Variants in ATP10A observed in about 807,000 individuals in gnomAD.
ATP10A encodes the protein ATPase phospholipid transporting 10A (putative).
ATP10A carries 111 observed loss-of-function variants against 147.8 expected under a neutral mutation model. That is an observed-to-expected ratio of 0.75 (90% CI 0.64 to 0.88). The LOEUF (loss-of-function observed/expected upper bound fraction) is 0.88. ATP10A is among the 40% of genes least tolerant of loss of function. The pLI, the probability that ATP10A is intolerant of heterozygous loss-of-function variation, is 0.00. For synonymous variants in ATP10A, 875 were observed against 841.6 expected (o/e 1.04, Z -0.69); for missense variants, 1,927 against 1,959.0 (o/e 0.98, Z 0.31).
intron 1 of ATP10A, among the ~76,000 whole-genome samples, chr15:25,788,408 C>T (rs1042047679): frequency 6.6e-6 from 1 of 152,186 alleles, no homozygotes; most frequent in Admixed American, 6.5e-5. Context: ...CTACAGTCTC[C>T]CCCAGCAGAC....
chr15:25,718,302 G>A lies in ATP10A; in HGVS notation c.1461C>T (p.His487=), dbSNP rs1357948598. ...SVSQRGSIGS[H]QSVRVVHRTQ... Reference sequence around the variant, plus strand: ...TTCTGTGCACCACCCGGACACTCTGGTGGCTGCCGATGCTGCCGCGCTGGG... The same window carrying A: ...TTCTGTGCACCACCCGGACACTCTGATGGCTGCCGATGCTGCCGCGCTGGG... The change falls in exon 8 of 21, where the codon CAC becomes CAT. Residue 487 remains histidine, a synonymous_variant. Transcript: ENST00000555815. The A allele has an allele frequency of 6.2e-6, 10 of 1,611,550 alleles. No homozygotes were observed. In the African/African-American group the frequency reaches 1.1e-4, roughly 17 times the overall value.
chr15:25,804,311 CTAAT>C (rs1379967399), intron 1 of ATP10A, among the ~76,000 whole-genome samples: 4 of 148,536 alleles, frequency 2.7e-5, no homozygotes, highest in Admixed American at 6.6e-5. Flanking sequence ...TCGTGTGTGT[CTAAT>C]TGTGCTTAGT....
chr15:25,732,802 GC>G (rs1887022194), intron 3 of ATP10A, among the ~76,000 whole-genome samples: 1 of 151,676 alleles, frequency 6.6e-6, no homozygotes, highest in Admixed American at 6.6e-5. Flanking sequence ...TGATCTGCCC[GC>G]CCCGGCCTCC....
Position 25,695,043 on chromosome 15 carries a change from G to A in ATP10A, c.2864C>T (p.Ser955Phe). ...KTKGKVSMRF[S>F]SLCPPSTSTA... Reference sequence around the variant, plus strand: ...GGACGTGGAGGGTGGGCAGAGAGAGGAGAACCTCATGCTCACTTTGCCCTT... The same window carrying A: ...GGACGTGGAGGGTGGGCAGAGAGAGAAGAACCTCATGCTCACTTTGCCCTT... The change falls in exon 14 of 21, where the codon TCC becomes TTC. Residue 955 changes from serine to phenylalanine, a missense_variant. By Grantham distance (155) the Ser-to-Phe change is radical. Transcript: ENST00000555815. The A allele has an allele frequency of 6.2e-7, 1 of 1,614,198 alleles. No individual in the cohort carries two copies. The highest frequency in any genetic ancestry group is 8.5e-7 in the Non-Finnish European group (1 of 1,180,044).
Position 25,718,286 on chromosome 15 carries a change from C to T in ATP10A, c.1477G>A (p.Val493Met), listed in dbSNP as rs142548270. The T allele has an allele frequency of 2.5e-6, 4 of 1,612,298 alleles. No homozygotes were observed. The highest frequency in any genetic ancestry group is 3.4e-6 in the Non-Finnish European group (4 of 1,179,946). Reference protein sequence around the residue: ...SIGSHQSVRVVHRTQSTKSHR... With the variant: ...SIGSHQSVRVMHRTQSTKSHR... ...GACTTGGTGCTCTGGGTTCTGTGCA[C>T]CACCCGGACACTCTGGTGGCTGCCG... The change falls in exon 8 of 21, where the codon GTG becomes ATG. Residue 493 changes from valine to methionine, a missense_variant. Transcript: ENST00000555815.
intron 1 of ATP10A, among the ~76,000 whole-genome samples, chr15:25,845,081 G>C (rs1596990844): frequency 6.6e-6 from 1 of 152,198 alleles, no homozygotes; most frequent in East Asian, 1.9e-4. Context: ...AGTGTGTGAT[G>C]AGGTGGACAC....
intron 2 of ATP10A, among the ~76,000 whole-genome samples, chr15:25,744,629 C>T (rs12717755): frequency 0.45 from 68,025 of 151,968 alleles, 15,511 homozygotes; most frequent in East Asian, 0.61. Flanking sequence ...TTAGAGATTT[C>T]GAAAATATAG....
At position 25,714,965 on chromosome 15, in the gene ATP10A, T is replaced by TACAC. The variant is rs10523875; in HGVS notation, c.1777-728_1777-725dup. On this transcript the variant is annotated intron_variant, in intron 9 of 20. Transcript: ENST00000555815. ...TAAGAAACAAAATGAATGACACATA[T>TACAC]ACACACACACACACACACACACACA... 6.4e-3 allele frequency among the ~76,000 whole-genome samples: 936 copies of TACAC among 145,684 alleles called. 4 individuals are homozygous for TACAC. The highest frequency in any genetic ancestry group is 0.011 in the Admixed American group (164 of 14,574).
chr15:25,833,903 C>T (rs111538051), intron 1 of ATP10A, among the ~76,000 whole-genome samples: 176 of 151,722 alleles, frequency 1.2e-3, no homozygotes, highest in Non-Finnish European at 2.1e-3. Context: ...ACCCGGGAGG[C>T]GGAGCTTGCA....
At chr15:25,750,175 T>C (rs1329412992) in intron 2 of ATP10A, among the ~76,000 whole-genome samples, 1 of 151,216 alleles carries the variant, frequency 6.6e-6, no homozygotes, top group African/African-American at 2.4e-5. Context: ...TTAAAACTAG[T>C]AATTAAAAAA....
At chr15:25,744,148 G>A (rs993710760) in intron 2 of ATP10A, among the ~76,000 whole-genome samples, 2 of 152,002 alleles carry the variant, frequency 1.3e-5, no homozygotes, top group East Asian at 1.9e-4. Flanking sequence ...AATACAACAC[G>A]GTGCCACTGC....
chr15:25,810,660 T>C (rs755684692), intron 1 of ATP10A, among the ~76,000 whole-genome samples: 5 of 152,092 alleles, frequency 3.3e-5, no homozygotes, highest in Non-Finnish European at 4.4e-5. Context: ...CAAGGCCTGT[T>C]TGTACCACGG....
chr15:25,825,683 A>C (rs1298423192), intron 1 of ATP10A, among the ~76,000 whole-genome samples: 1 of 152,252 alleles, frequency 6.6e-6, no homozygotes, highest in African/African-American at 2.4e-5. Context: ...AAAGTCAATA[A>C]ATAAACAACA....
chr15:25,747,107 T>C (rs1887883009), intron 2 of ATP10A, among the ~76,000 whole-genome samples: 1 of 152,036 alleles, frequency 6.6e-6, no homozygotes, highest in Non-Finnish European at 1.5e-5. Context: ...GCCAATATGA[T>C]GAAACCCCAT....
chr15:25,842,311 G>A (rs984727546), intron 1 of ATP10A, among the ~76,000 whole-genome samples: 18 of 152,164 alleles, frequency 1.2e-4, no homozygotes, highest in African/African-American at 4.1e-4. Context: ...CACACTGGAA[G>A]GATACAGGAG....
At chr15:25,828,959 C>T (rs572361232) in intron 1 of ATP10A, among the ~76,000 whole-genome samples, 1 of 152,190 alleles carries the variant, frequency 6.6e-6, no homozygotes, top group East Asian at 1.9e-4. Context: ...GCTGGTGATT[C>T]CTGGCAACCT....
At chr15:25,836,088 C>A (rs532443641) in intron 1 of ATP10A, among the ~76,000 whole-genome samples, 1 of 152,208 alleles carries the variant, frequency 6.6e-6, no homozygotes, top group Non-Finnish European at 1.5e-5. Flanking sequence ...GCTGGGATTA[C>A]AGGCATGAGC....
intron 2 of ATP10A, 75 bp downstream of exon 2, chr15:25,780,944 G>A: frequency 1.4e-6 from 2 of 1,475,896 alleles, no homozygotes; most frequent in Non-Finnish European, 1.9e-6. Flanking sequence ...CAGGTGCTCT[G>A]AGCCCCAGAA....
At chr15:25,725,694 G>A (rs565550975) in intron 5 of ATP10A, among the ~76,000 whole-genome samples, 2 of 151,866 alleles carry the variant, frequency 1.3e-5, no homozygotes, top group South Asian at 2.1e-4. Context: ...GAGTGCAGTG[G>A]TGCGATCTCA....
Sources: allele counts gnomAD v4.1 joint callset (sites outside exome capture counted in the v4.1 genomes callset), GRCh38; gene constraint gnomAD v4.1.1; transcripts MANE v1.5; gene names NCBI Gene and HGNC (gene_info 2026-07-23, HGNC 2026-07-21).